EYS: variants seen among roughly 807,000 people sequenced by gnomAD.
EYS encodes the protein protein eyes shut homolog.
In EYS, 250 loss-of-function variants were observed where a neutral mutation model predicts 282.1. That is an observed-to-expected ratio of 0.89 (90% CI 0.80 to 0.98). EYS has a LOEUF of 0.98. Among genes scored for constraint, EYS ranks in the 50% least tolerant of loss-of-function variants. EYS has a pLI of 0.00. For missense variants in EYS, 4,016 were observed against 3,709.0 expected, an observed-to-expected ratio of 1.08 and a Z score of -2.15; for synonymous variants, 1,355 against 1,282.9, an observed-to-expected ratio of 1.06 and a Z score of -1.20.
At chr6:65,085,987 CT>C (rs1774357355) in intron 12 of EYS, among the ~76,000 whole-genome samples, 1 of 150,880 alleles carries the variant, frequency 6.6e-6, no homozygotes, top group Non-Finnish European at 1.5e-5. Context: ...ATTTTTTTGT[CT>C]TCTGGAGTAC....
chr6:65,226,680 T>C (rs1766634773), intron 12 of EYS, among the ~76,000 whole-genome samples: 1 of 152,162 alleles, frequency 6.6e-6, no homozygotes, highest in African/African-American at 2.4e-5. Context: ...TATAGAAGTA[T>C]GAAATAGCGA....
chr6:64,394,239 T>C (rs1773275015), intron 28 of EYS, among the ~76,000 whole-genome samples: 1 of 152,162 alleles, frequency 6.6e-6, no homozygotes, highest in Admixed American at 6.5e-5. Flanking sequence ...GCCATCCCCA[T>C]CAAGCTACCA....
At chr6:63,877,601 G>A (rs1200096383) in intron 35 of EYS, among the ~76,000 whole-genome samples, 1 of 150,706 alleles carries the variant, frequency 6.6e-6, no homozygotes, top group Non-Finnish European at 1.5e-5. Context: ...ACACTTTCAG[G>A]TACACCAATC....
At chr6:64,024,998 A>G (rs1256629308) in intron 33 of EYS, among the ~76,000 whole-genome samples, 1 of 152,208 alleles carries the variant, frequency 6.6e-6, no homozygotes, top group African/African-American at 2.4e-5. Context: ...GACAATCACC[A>G]TGTGGTGAGA....
At chr6:65,017,049 A>G (rs1772078752) in intron 13 of EYS, among the ~76,000 whole-genome samples, 1 of 152,166 alleles carries the variant, frequency 6.6e-6, no homozygotes, top group Non-Finnish European at 1.5e-5. Flanking sequence ...GATGAATTTT[A>G]TGGGGAGACA....
chr6:64,641,547 C>G (rs539326564), intron 22 of EYS, among the ~76,000 whole-genome samples: 12 of 152,306 alleles, frequency 7.9e-5, no homozygotes, highest in Non-Finnish European at 1.3e-4. Context: ...TGCTCTCTTT[C>G]TCTCTCTCTT....
intron 2 of EYS, among the ~76,000 whole-genome samples, chr6:65,512,866 C>T (rs1336180442): frequency 1.3e-5 from 2 of 152,032 alleles, no homozygotes; most frequent in Non-Finnish European, 1.5e-5. Flanking sequence ...ACCCTAACAT[C>T]ATAATTAAAA....
At position 64,090,775 on chromosome 6, in the gene EYS, C is replaced by T. The variant is rs57221164; in HGVS notation, c.6425-8773G>A. Reference sequence around the variant, plus strand: ...TTCCTTTGTTCCTCTTCCCATCCTTCCACTCACCACATCATTCTATATTTG... The same window carrying T: ...TTCCTTTGTTCCTCTTCCCATCCTTTCACTCACCACATCATTCTATATTTG... On this transcript the variant is annotated intron_variant, in intron 31 of 42. Coordinates refer to ENST00000503581, the MANE Select transcript of EYS (RefSeq NM_001142800.2). Among the ~76,000 whole-genome samples the T allele has an allele frequency of 4.4e-4, 67 of 152,260 alleles. 1 individual carries two copies. In the East Asian group the frequency reaches 0.012, roughly 28 times the overall value.
chr6:64,220,933 A>G (rs1029033482), intron 31 of EYS, among the ~76,000 whole-genome samples: 1 of 152,112 alleles, frequency 6.6e-6, no homozygotes, highest in Admixed American at 6.6e-5. Flanking sequence ...ATAGGATAAT[A>G]TTTACTTCAA....
intron 28 of EYS, among the ~76,000 whole-genome samples, chr6:64,395,291 C>G (rs1281191435): frequency 1.3e-5 from 2 of 152,046 alleles, no homozygotes; most frequent in South Asian, 4.1e-4. Context: ...GGTATATACC[C>G]AAAGGACTCT....
chr6:65,216,226 G>A lies in EYS; in HGVS notation c.2023+79637C>T, dbSNP rs558357247. On this transcript the variant is annotated intron_variant, in intron 12 of 42. Coordinates refer to ENST00000503581, the MANE Select transcript of EYS (RefSeq NM_001142800.2). The stretch of plus-strand genomic sequence containing the variant: ...GTTTATATATTTATATTTTATATAT[G>A]CATAGTAATTTCTTTTTGAGGTTTG... 2.1e-3 allele frequency among the ~76,000 whole-genome samples: 319 copies of A among 152,124 alleles called. 1 individual carries two copies. The highest frequency in any genetic ancestry group is 2.2e-3 in the Non-Finnish European group (148 of 67,940).
intron 26 of EYS, among the ~76,000 whole-genome samples, chr6:64,519,944 A>C (rs1295999587): frequency 6.6e-6 from 1 of 151,788 alleles, no homozygotes; most frequent in East Asian, 1.9e-4. Flanking sequence ...TGAAACTACT[A>C]CCATATGCAA....
chr6:65,166,446 A>G (rs2150224664), intron 12 of EYS, among the ~76,000 whole-genome samples: 1 of 151,300 alleles, frequency 6.6e-6, no homozygotes, highest in Non-Finnish European at 1.5e-5. Context: ...TGGTCAAGTA[A>G]TTTTTAACAA....
At chr6:64,389,342 A>G (rs1239426022) in intron 28 of EYS, among the ~76,000 whole-genome samples, 2 of 152,236 alleles carry the variant, frequency 1.3e-5, no homozygotes, top group Non-Finnish European at 2.9e-5. Flanking sequence ...ATATAACTTA[A>G]TTAGGGAGAT....
chr6:64,606,885 A>C (rs1766954106), intron 24 of EYS, among the ~76,000 whole-genome samples: 1 of 152,092 alleles, frequency 6.6e-6, no homozygotes, highest in African/African-American at 2.4e-5. Context: ...AAAATATATC[A>C]AAAGCAGCAA....
At chr6:64,392,037 A>G (rs1210587963) in intron 28 of EYS, among the ~76,000 whole-genome samples, 1 of 152,014 alleles carries the variant, frequency 6.6e-6, no homozygotes, top group East Asian at 1.9e-4. Context: ...GAAGGCCATT[A>G]CATAATGGTA....
At chr6:64,757,937 T>C (rs1773010136) in intron 22 of EYS, among the ~76,000 whole-genome samples, 1 of 151,610 alleles carries the variant, frequency 6.6e-6, no homozygotes, top group African/African-American at 2.4e-5. Context: ...GGCGCCCGCC[T>C]AAGTTTTTTT....
intron 26 of EYS, among the ~76,000 whole-genome samples, chr6:64,505,124 T>C (rs1048034443): frequency 1.3e-5 from 2 of 152,148 alleles, no homozygotes; most frequent in Non-Finnish European, 2.9e-5. Flanking sequence ...AGTCTAAGGG[T>C]AGAGATACAG....
At position 64,563,109 on chromosome 6, in the gene EYS, G is replaced by A. The variant is rs1037995920; in HGVS notation, c.5644+27114C>T. Among the ~76,000 whole-genome samples the A allele has an allele frequency of 4.6e-5, 7 of 152,070 alleles. No individual in the cohort carries two copies. In the South Asian group the frequency reaches 1.5e-3, roughly 32 times the overall value. ...AAATAGGTATTGAAGTAGGTACTTAGTTTTAGAGATGAAATTAATAATTTA... is the reference window on the plus strand; with the variant it reads ...AAATAGGTATTGAAGTAGGTACTTAATTTTAGAGATGAAATTAATAATTTA... On this transcript the variant is annotated intron_variant, in intron 26 of 42. Transcript: ENST00000503581.
Sources: gnomAD v4.1 joint callset for allele counts (sites outside exome capture counted in the v4.1 genomes callset) on GRCh38, gnomAD v4.1.1 for gene constraint, MANE v1.5 for transcripts, NCBI Gene and HGNC (gene_info 2026-07-23, HGNC 2026-07-21) for gene names.